IMMP2L: variants seen among roughly 807,000 people sequenced by gnomAD.
IMMP2L encodes the protein mitochondrial inner membrane protease subunit 2.
In IMMP2L, 18 loss-of-function variants were observed where a neutral mutation model predicts 19.3. That is an observed-to-expected ratio of 0.93 (90% CI 0.64 to 1.38). The LOEUF (loss-of-function observed/expected upper bound fraction) is 1.38. Among genes scored for constraint, IMMP2L ranks in the 40% most tolerant of loss-of-function variants. The pLI is 0.00. For synonymous variants in IMMP2L, 76 were observed against 73.0 expected, an observed-to-expected ratio of 1.04 and a Z score of -0.21; for missense variants, 233 against 218.2, an observed-to-expected ratio of 1.07 and a Z score of -0.43.
chr7:110,816,943 AT>A (rs1336272702), intron 5 of IMMP2L, among the ~76,000 whole-genome samples: 1 of 152,098 alleles, frequency 6.6e-6, no homozygotes, highest in Non-Finnish European at 1.5e-5. Context: ...GCGTCTTTTA[AT>A]TGGAGCATTT....
chr7:110,926,657 A>C (rs970850175), intron 4 of IMMP2L, among the ~76,000 whole-genome samples: 1 of 152,072 alleles, frequency 6.6e-6, no homozygotes, highest in Non-Finnish European at 1.5e-5. Flanking sequence ...GTCCATTTGA[A>C]ACCTGTATAC....
intron 3 of IMMP2L, among the ~76,000 whole-genome samples, chr7:111,150,754 G>C (rs527514560): frequency 6.1e-4 from 93 of 152,260 alleles, no homozygotes; most frequent in African/African-American, 2.1e-3. Context: ...GAAAATGCAA[G>C]CCTTATTGGC....
At chr7:111,416,354 GCTTT>G (rs1486905699) in intron 3 of IMMP2L, among the ~76,000 whole-genome samples, 6 of 151,802 alleles carry the variant, frequency 4.0e-5, no homozygotes, top group Non-Finnish European at 8.8e-5. Flanking sequence ...CAATATGCAT[GCTTT>G]CTGTTTTTCT....
At chr7:111,195,007 C>T (rs1809317569) in intron 3 of IMMP2L, among the ~76,000 whole-genome samples, 1 of 151,888 alleles carries the variant, frequency 6.6e-6, no homozygotes, top group African/African-American at 2.4e-5. Context: ...TTTTAAAAAC[C>T]AAACTATTGA....
At chr7:111,151,851 G>A (rs551354842) in intron 3 of IMMP2L, among the ~76,000 whole-genome samples, 3 of 152,116 alleles carry the variant, frequency 2.0e-5, no homozygotes, top group East Asian at 1.9e-4. Flanking sequence ...CACAAGAATC[G>A]TTTGAACCTG....
intron 3 of IMMP2L, among the ~76,000 whole-genome samples, chr7:110,982,897 A>C (rs1052208589): frequency 3.9e-5 from 6 of 152,116 alleles, no homozygotes; most frequent in African/African-American, 1.4e-4. Context: ...AAATCACATG[A>C]TAGAACCATT....
chr7:110,663,860 C>A (rs1791237599), intron 5 of IMMP2L, 139 bp from the exon 6 acceptor site: 4 of 541,786 alleles, frequency 7.4e-6, no homozygotes, highest in Admixed American at 3.7e-5. Context: ...TAGTAAACAC[C>A]TTTTGTAGCC....
At chr7:111,225,911 C>G (rs1813039143) in intron 3 of IMMP2L, among the ~76,000 whole-genome samples, 1 of 152,148 alleles carries the variant, frequency 6.6e-6, no homozygotes, top group African/African-American at 2.4e-5. Context: ...ATCCCCCTAA[C>G]TGGGGATAAG....
chr7:111,365,543 C>G (rs1333177392), intron 3 of IMMP2L, among the ~76,000 whole-genome samples: 1 of 152,072 alleles, frequency 6.6e-6, no homozygotes, highest in Non-Finnish European at 1.5e-5. Flanking sequence ...ATCATAGGTT[C>G]TGAAGGTGGC....
chr7:110,989,531 CAA>C (rs778163183), intron 3 of IMMP2L, among the ~76,000 whole-genome samples: 16 of 60,950 alleles, frequency 2.6e-4, no homozygotes, highest in Admixed American at 7.2e-4. Context: ...CTCTGTCTCC[CAA>C]AAAAAAAAAA....
intron 5 of IMMP2L, among the ~76,000 whole-genome samples, chr7:110,800,720 C>T (rs529712519): frequency 7.3e-4 from 111 of 152,154 alleles, no homozygotes; most frequent in Non-Finnish European, 1.3e-3. Context: ...AAAGGACATG[C>T]GCACATTTTC....
intron 5 of IMMP2L, among the ~76,000 whole-genome samples, chr7:110,765,566 T>C (rs1243081184): frequency 6.6e-6 from 1 of 152,168 alleles, no homozygotes; most frequent in Non-Finnish European, 1.5e-5. Context: ...GTACTCAGTA[T>C]TTTGTCTATG....
intron 3 of IMMP2L, among the ~76,000 whole-genome samples, chr7:111,417,948 C>T (rs1835109586): frequency 6.6e-6 from 1 of 151,684 alleles, no homozygotes; most frequent in Non-Finnish European, 1.5e-5. Context: ...TTATACAGCT[C>T]AATTATCAAT....
intron 3 of IMMP2L, among the ~76,000 whole-genome samples, chr7:111,265,471 C>T (rs572523111): frequency 1.3e-5 from 2 of 152,054 alleles, no homozygotes; most frequent in Non-Finnish European, 2.9e-5. Context: ...TGAAAATATG[C>T]TTTAGAGACC....
chr7:111,353,718 C>G (rs575237637), intron 3 of IMMP2L, among the ~76,000 whole-genome samples: 1 of 152,196 alleles, frequency 6.6e-6, no homozygotes, highest in South Asian at 2.1e-4. Flanking sequence ...ATACAGACTA[C>G]ATATATACAT....
chr7:111,359,166 A>G (rs1395094134), intron 3 of IMMP2L, among the ~76,000 whole-genome samples: 1 of 152,118 alleles, frequency 6.6e-6, no homozygotes, highest in African/African-American at 2.4e-5. Flanking sequence ...TGCTGTTTTT[A>G]CTGGCAAGGT....
intron 5 of IMMP2L, among the ~76,000 whole-genome samples, chr7:110,767,795 G>A (rs2131004261): frequency 6.6e-6 from 1 of 152,208 alleles, no homozygotes; most frequent in Admixed American, 6.6e-5. Context: ...CAGCCAGGAG[G>A]GTTTTTCTAA....
At chr7:110,762,347 C>T (rs1798399821) in intron 5 of IMMP2L, among the ~76,000 whole-genome samples, 6 of 151,902 alleles carry the variant, frequency 3.9e-5, no homozygotes, top group Admixed American at 3.9e-4. Context: ...TGTGGGTCCA[C>T]AAAAACTATA....
At chr7:110,981,190 G>T (rs188116410) in intron 3 of IMMP2L, among the ~76,000 whole-genome samples, 24 of 152,088 alleles carry the variant, frequency 1.6e-4, no homozygotes, top group Non-Finnish European at 4.4e-5. Flanking sequence ...TTTAGACAAA[G>T]AAGAAAGTTG....
Sources: gnomAD v4.1 joint callset for allele counts (sites outside exome capture counted in the v4.1 genomes callset) on GRCh38, gnomAD v4.1.1 for gene constraint, MANE v1.5 for transcripts, NCBI Gene and HGNC (gene_info 2026-07-23, HGNC 2026-07-21) for gene names.